PDZD2: variants seen among roughly 807,000 people sequenced by gnomAD.
The protein encoded by PDZD2 is PDZ domain containing 2, also known as PDZ domain-containing protein 2.
PDZD2 carries 90 observed loss-of-function variants against 220.7 expected under a neutral mutation model. The observed-to-expected ratio is 0.41, with a 90% confidence interval of 0.34 to 0.49. The LOEUF (loss-of-function observed/expected upper bound fraction) is 0.49, where lower values mean the gene tolerates loss of function less well. Among genes scored for constraint, PDZD2 ranks in the 20% least tolerant of loss-of-function variants. The probability of loss-of-function intolerance (pLI) is 0.28; values close to 1 mark genes in which losing one functional copy is unlikely to be tolerated. For synonymous variants in PDZD2, 1,375 were observed against 1,450.5 expected, an observed-to-expected ratio of 0.95 and a Z score of 1.18; for missense variants, 3,174 against 3,608.5, an observed-to-expected ratio of 0.88 and a Z score of 3.08.
In PDZD2 at chr5:32,034,063, A is replaced by G. The variant is rs114545846; in HGVS notation, c.1408-3168A>G. On this transcript the variant is annotated intron_variant, in intron 6 of 24. Coordinates refer to ENST00000438447, the MANE Select transcript of PDZD2 (RefSeq NM_178140.4). ...TTCTCAGGTGCTCAGAAGTGCTTGT[A>G]TCATCTCCAAAATGTCTCTGATCCT... Among the ~76,000 whole-genome samples the G allele has an allele frequency of 5.8e-3, 887 of 152,298 alleles. 9 individuals are homozygous for G. The highest frequency in any genetic ancestry group is 0.02 in the African/African-American group (818 of 41,576).
intron 2 of PDZD2, among the ~76,000 whole-genome samples, chr5:31,850,277 A>C (rs1757977932): frequency 7.2e-6 from 1 of 138,190 alleles, no homozygotes; most frequent in Non-Finnish European, 1.6e-5. Flanking sequence ...TATACTTATC[A>C]TCTAGTTAAT....
chr5:32,052,874 A>T (rs548166137), intron 9 of PDZD2, 144 bp downstream of exon 9: 1 of 787,810 alleles, frequency 1.3e-6, no homozygotes, highest in East Asian at 2.6e-5. Flanking sequence ...GCAGTGGTGC[A>T]ATCATGGCTC....
chr5:31,774,325 A>G (rs1322145664), intron 1 of PDZD2, among the ~76,000 whole-genome samples: 1 of 152,166 alleles, frequency 6.6e-6, no homozygotes, highest in Non-Finnish European at 1.5e-5. Context: ...ATCAGAGCTC[A>G]GAAGGGAAAG....
chr5:31,920,528 C>T (rs62361657), intron 2 of PDZD2, among the ~76,000 whole-genome samples: 2 of 145,386 alleles, frequency 1.4e-5, no homozygotes, highest in Non-Finnish European at 3.0e-5. Flanking sequence ...AAAAAAAGTC[C>T]AGGCACTCTG....
intron 1 of PDZD2, among the ~76,000 whole-genome samples, chr5:31,656,646 T>C (rs901475075): frequency 4.6e-5 from 7 of 152,226 alleles, no homozygotes; most frequent in African/African-American, 1.7e-4. Context: ...TCTCATTTTA[T>C]GATTTTTTAA....
chr5:32,011,651 C>A (rs1753332076), intron 6 of PDZD2, among the ~76,000 whole-genome samples: 1 of 152,106 alleles, frequency 6.6e-6, no homozygotes, highest in Non-Finnish European at 1.5e-5. Flanking sequence ...CCTTGGAGCC[C>A]CTTCCTCCTT....
intron 20 of PDZD2, among the ~76,000 whole-genome samples, chr5:32,092,668 C>A (rs1485943442): frequency 6.6e-6 from 1 of 152,228 alleles, no homozygotes; most frequent in African/African-American, 2.4e-5. Flanking sequence ...CCCATAACTT[C>A]TTGAGGGGAT....
At chr5:32,059,754 C>A (rs1404104629) in intron 13 of PDZD2, among the ~76,000 whole-genome samples, 1 of 152,150 alleles carries the variant, frequency 6.6e-6, no homozygotes, top group Non-Finnish European at 1.5e-5. Context: ...GCCAAACAGT[C>A]CTGAAATTGT....
At chr5:31,699,552 C>A (rs1244028253) in intron 1 of PDZD2, among the ~76,000 whole-genome samples, 2 of 152,052 alleles carry the variant, frequency 1.3e-5, no homozygotes, top group Non-Finnish European at 2.9e-5. Flanking sequence ...AGTTCGAGAT[C>A]AGCCTGGGCA....
intron 1 of PDZD2, among the ~76,000 whole-genome samples, chr5:31,789,790 C>T (rs544869676): frequency 1.3e-5 from 2 of 152,032 alleles, no homozygotes; most frequent in Admixed American, 6.5e-5. Context: ...TGGTGGCGGG[C>T]GCCTGTAATC....
Position 31,823,252 on chromosome 5 carries a change from G to A in PDZD2, c.476+23528G>A, listed in dbSNP as rs1043455851. The A allele has an allele frequency of 8.7e-6, 3 of 344,198 alleles. No homozygotes were observed. In the Admixed American group the frequency reaches 1.2e-4, roughly 14 times the overall value. 21.3% of individuals were successfully genotyped at this position (344,198 alleles called of 1,614,324 possible). On this transcript the variant is annotated intron_variant, in intron 2 of 24. Coordinates refer to ENST00000438447, the MANE Select transcript of PDZD2 (RefSeq NM_178140.4). ...GAGGCCAAGGCAGGTAGATCACGAG[G>A]TCAGGAGATCAAGACCAGCTGGGCC...
intron 1 of PDZD2, among the ~76,000 whole-genome samples, chr5:31,744,897 C>T (rs1356232679): frequency 2.0e-5 from 3 of 151,912 alleles, no homozygotes; most frequent in Non-Finnish European, 4.4e-5. Flanking sequence ...GGTGAAACCC[C>T]GCCTCTACTA....
chr5:31,813,338 T>G (rs1755237090), intron 2 of PDZD2, among the ~76,000 whole-genome samples: 1 of 150,598 alleles, frequency 6.6e-6, no homozygotes, highest in Non-Finnish European at 1.5e-5. Context: ...TAGTCCCAGC[T>G]ACTCGGGAGG....
intron 1 of PDZD2, among the ~76,000 whole-genome samples, chr5:31,750,432 T>A (rs1750883462): frequency 6.6e-6 from 1 of 152,140 alleles, no homozygotes; most frequent in East Asian, 1.9e-4. Flanking sequence ...GCTCACCAGA[T>A]GCAGGAACGC....
chr5:32,103,189 A>G (rs1159178420), intron 24 of PDZD2, among the ~76,000 whole-genome samples: 3 of 152,234 alleles, frequency 2.0e-5, no homozygotes, highest in Non-Finnish European at 4.4e-5. Flanking sequence ...TGACAGGACT[A>G]TGCAGACTGA....
intron 2 of PDZD2, among the ~76,000 whole-genome samples, chr5:31,898,148 T>G (rs1204312145): frequency 6.6e-6 from 1 of 152,236 alleles, no homozygotes; most frequent in African/African-American, 2.4e-5. Context: ...TGAACTCATA[T>G]GAATTATACC....
At chr5:32,062,616 A>G (rs1739798000) in intron 14 of PDZD2, among the ~76,000 whole-genome samples, 1 of 151,944 alleles carries the variant, frequency 6.6e-6, no homozygotes, top group South Asian at 2.1e-4. Flanking sequence ...CTGGTCTCGA[A>G]CTCCTGAGCT....
chr5:32,034,802 T>G (rs896850404), intron 6 of PDZD2, among the ~76,000 whole-genome samples: 2 of 152,174 alleles, frequency 1.3e-5, no homozygotes, highest in African/African-American at 2.4e-5. Flanking sequence ...TTCTTCCATT[T>G]GTATGTGGCC....
Position 32,083,726 on chromosome 5 carries a change from G to C in PDZD2, c.3683-3405G>C, listed in dbSNP as rs1742187956. 1 of 152,254 alleles carries C rather than the reference G, an allele frequency of 6.6e-6. No homozygotes were observed. The highest frequency in any genetic ancestry group is 1.5e-5 in the Non-Finnish European group (1 of 68,114). 9.4% of individuals were successfully genotyped at this position (152,254 alleles called of 1,614,324 possible). On this transcript the variant is annotated intron_variant, in intron 19 of 24. Coordinates refer to ENST00000438447, the MANE Select transcript of PDZD2 (RefSeq NM_178140.4). This position sits in a 1 kb window ranked among gnomAD's most constrained non-coding sequence, Gnocchi z 4.1. ...CTTGCTCTGTCGCTCAGGCTGGATG[G>C]AGTACAGTGGCTCGATCTCGGCTCA...
Sources: gnomAD v4.1 joint callset for allele counts (sites outside exome capture counted in the v4.1 genomes callset) on GRCh38, gnomAD v4.1.1 for gene constraint, Gnocchi (gnomAD v3.1) non-coding constraint, MANE v1.5 for transcripts, NCBI Gene and HGNC (gene_info 2026-07-23, HGNC 2026-07-21) for gene names.